The following SCAPER variants were observed in gnomAD, a reference collection of about 807,000 sequenced individuals.
The protein encoded by SCAPER is S-phase cyclin A associated protein in the ER.
A neutral mutation model predicts 182.2 loss-of-function variants in SCAPER; 98 were observed. The observed-to-expected ratio is 0.54, with a 90% CI of 0.46 to 0.64. The LOEUF is 0.64. SCAPER is among the 30% of genes least tolerant of loss of function. The pLI, the probability that SCAPER is intolerant of heterozygous loss-of-function variation, is 0.00. For missense variants in SCAPER, 1,432 were observed against 1,690.0 expected (o/e 0.85, Z 2.68); for synonymous variants, 605 against 564.6 (o/e 1.07, Z -1.01).
At chr15:76,585,655 G>T (rs1750480576) in intron 22 of SCAPER, among the ~76,000 whole-genome samples, 1 of 152,134 alleles carries the variant, frequency 6.6e-6, no homozygotes. Flanking sequence ...ATTTCACCCT[G>T]AGGTAAATCA....
chr15:76,533,899 T>G (rs2043896987), intron 23 of SCAPER, among the ~76,000 whole-genome samples: 1 of 152,188 alleles, frequency 6.6e-6, no homozygotes, highest in Non-Finnish European at 1.5e-5. Context: ...ACATTTCACT[T>G]TCAGAAGAGG....
intron 4 of SCAPER, among the ~76,000 whole-genome samples, chr15:76,849,827 C>T (rs1388253502): frequency 1.3e-5 from 2 of 152,220 alleles, no homozygotes; most frequent in African/African-American, 2.4e-5. Flanking sequence ...AATTGACTCA[C>T]AGTTCCATAT....
intron 20 of SCAPER, among the ~76,000 whole-genome samples, chr15:76,677,556 A>C (rs1374834466): frequency 5.3e-5 from 8 of 151,944 alleles, no homozygotes; most frequent in Admixed American, 5.2e-4. Flanking sequence ...ATGGTGGCTA[A>C]TTCCACACAC....
chr15:76,816,034 A>G (rs1032963983), intron 5 of SCAPER, among the ~76,000 whole-genome samples: 1 of 152,152 alleles, frequency 6.6e-6, no homozygotes, highest in Admixed American at 6.5e-5. Flanking sequence ...CCATGAATGG[A>G]GTTTACAGGA....
At chr15:76,870,509 ACT>A (rs1396655831) in intron 2 of SCAPER, among the ~76,000 whole-genome samples, 1 of 152,080 alleles carries the variant, frequency 6.6e-6, no homozygotes, top group Non-Finnish European at 1.5e-5. Flanking sequence ...TTTTAAAGTA[ACT>A]CTAATTAATA....
At chr15:76,883,676 CTT>C (rs2073696568) in intron 2 of SCAPER, 134 bp downstream of exon 2, 9 of 767,634 alleles carry the variant, frequency 1.2e-5, no homozygotes, top group Admixed American at 3.7e-5. Flanking sequence ...TAGCTGCTCA[CTT>C]TATCACTGTG....
intron 24 of SCAPER, chr15:76,472,264 A>G: frequency 1.4e-5 from 8 of 584,754 alleles, no homozygotes; most frequent in South Asian, 9.7e-5. Context: ...AAAAAGAAAA[A>G]GGAAAATGCT....
At chr15:76,652,369 CACATATATATATATATAT>C (rs1350423643) in intron 21 of SCAPER, among the ~76,000 whole-genome samples, 2 of 13,702 alleles carry the variant, frequency 1.5e-4, no homozygotes, top group African/African-American at 3.2e-4. Context: ...CACACACACA[CACATATATATATATATAT>C]ATATATATAT....
intron 29 of SCAPER, among the ~76,000 whole-genome samples, chr15:76,368,564 C>T (rs1036310572): frequency 7.9e-5 from 12 of 152,228 alleles, no homozygotes; most frequent in South Asian, 2.1e-4. Context: ...TGTTCTGATC[C>T]GCCCAGAAGC....
chr15:76,408,324 T>C (rs1226933719), intron 26 of SCAPER, among the ~76,000 whole-genome samples: 1 of 152,204 alleles, frequency 6.6e-6, no homozygotes, highest in Non-Finnish European at 1.5e-5. Context: ...ATTTATTTCC[T>C]GTAAAATGAT....
At position 76,765,461 on chromosome 15, in the gene SCAPER, AG is replaced by A; in HGVS notation, c.1496-8del. The A allele has an allele frequency of 6.2e-7, 1 of 1,612,908 alleles. No homozygotes were observed. The highest frequency in any genetic ancestry group is 8.5e-7 in the Non-Finnish European group (1 of 1,179,194). On this transcript the variant is annotated splice_polypyrimidine_tract_variant and splice_region_variant and intron_variant, in intron 12 of 31. Transcript: ENST00000563290. ...TGGCGCCAAGACTCACGAGCTGTTCAGAAAAAAATACTATTATTGTTTAGCC... is the reference window on the plus strand; with the variant it reads ...TGGCGCCAAGACTCACGAGCTGTTCAAAAAAAATACTATTATTGTTTAGCC...
chr15:76,498,598 A>G (rs953962653), intron 24 of SCAPER: 1 of 152,212 alleles, frequency 6.6e-6, no homozygotes, highest in African/African-American at 2.4e-5. Context: ...GACTGCTTCC[A>G]ACCTTCATCT....
chr15:76,463,887 G>A (rs895182611), intron 25 of SCAPER, among the ~76,000 whole-genome samples: 5 of 151,940 alleles, frequency 3.3e-5, no homozygotes, highest in African/African-American at 1.2e-4. Flanking sequence ...CCACTAGGTA[G>A]CTCTGTGATC....
At chr15:76,681,448 T>C (rs184072599) in intron 20 of SCAPER, among the ~76,000 whole-genome samples, 9 of 152,318 alleles carry the variant, frequency 5.9e-5, no homozygotes, top group Admixed American at 5.2e-4. Flanking sequence ...CAAAACAGTG[T>C]AGTGGCCAAG....
chr15:76,796,974 G>C (rs979158893), intron 7 of SCAPER, among the ~76,000 whole-genome samples: 5 of 152,092 alleles, frequency 3.3e-5, no homozygotes, highest in Admixed American at 1.3e-4. Flanking sequence ...ACAGTGCCAG[G>C]CACTTAGAAT....
At chr15:76,609,325 TA>T (rs577590084) in intron 22 of SCAPER, among the ~76,000 whole-genome samples, 26,947 of 142,984 alleles carry the variant, frequency 0.19, 2,558 homozygotes, top group Middle Eastern at 0.24. Context: ...TCTTTTCTCT[TA>T]AAAAAAAAAA....
At chr15:76,744,844 G>A (rs1252763157) in intron 15 of SCAPER, among the ~76,000 whole-genome samples, 1 of 152,086 alleles carries the variant, frequency 6.6e-6, no homozygotes, top group Non-Finnish European at 1.5e-5. Context: ...TATGTTCATT[G>A]CCATGCTATT....
At position 76,682,288 on chromosome 15, in the gene SCAPER, G is replaced by A. The variant is rs527514306; in HGVS notation, c.2509-16499C>T. Among the ~76,000 whole-genome samples, 14 of 127,752 alleles carry A rather than the reference G, an allele frequency of 1.1e-4. No homozygotes were observed. The East Asian group carries it at 3.4e-3, about 31-fold the overall frequency. The allele number at this position is 127,752 out of a possible 152,430, so 83.8% of individuals were successfully genotyped here. ...TTCCCCCCCCCACCCCACAGTGTAC[G>A]TGTGAGCATGCAGACTGCTGTGCCA... is the stretch of plus-strand genomic sequence containing the variant. On this transcript the variant is annotated intron_variant, in intron 20 of 31. Coordinates refer to ENST00000563290, the MANE Select transcript of SCAPER (RefSeq NM_020843.4).
chr15:76,713,961 A>G (rs1219436745), intron 17 of SCAPER, among the ~76,000 whole-genome samples: 1 of 152,184 alleles, frequency 6.6e-6, no homozygotes, highest in Non-Finnish European at 1.5e-5. Context: ...TATCTGTAAT[A>G]GCCAAAAAAA....
Sources: gnomAD v4.1 joint callset for allele counts (sites outside exome capture counted in the v4.1 genomes callset) on GRCh38, gnomAD v4.1.1 for gene constraint, MANE v1.5 for transcripts, NCBI Gene and HGNC (gene_info 2026-07-23, HGNC 2026-07-21) for gene names.